Variants in CSMD3 observed in about 807,000 individuals in gnomAD.
The protein encoded by CSMD3 is CUB and Sushi multiple domains 3.
A neutral mutation model predicts 435.2 loss-of-function variants in CSMD3; 177 were observed. The ratio of observed to expected loss-of-function variants is 0.41; its 90% CI spans 0.36 to 0.46. The LOEUF (loss-of-function observed/expected upper bound fraction) is 0.46. Among genes scored for constraint, CSMD3 ranks in the 20% least tolerant of loss-of-function variants. CSMD3 has a pLI of 0.34. For synonymous variants in CSMD3, 1,656 were observed against 1,520.5 expected (o/e 1.09, Z -2.07); for missense variants, 4,265 against 4,504.6 (o/e 0.95, Z 1.52).
intron 9 of CSMD3, among the ~76,000 whole-genome samples, chr8:112,934,502 C>T (rs905613333): frequency 7.9e-5 from 12 of 152,130 alleles, no homozygotes; most frequent in African/African-American, 2.9e-4. Context: ...TAATATATTC[C>T]TTTCAATGAC....
intron 1 of CSMD3, among the ~76,000 whole-genome samples, chr8:113,379,744 C>CAA (rs1474197854): frequency 6.6e-6 from 1 of 152,052 alleles, no homozygotes; most frequent in African/African-American, 2.4e-5. Flanking sequence ...AATCTTTGAA[C>CAA]AAAGTTGAGA....
chr8:113,141,886 T>G (rs1159349974), intron 4 of CSMD3, among the ~76,000 whole-genome samples: 1 of 151,014 alleles, frequency 6.6e-6, no homozygotes, highest in Non-Finnish European at 1.5e-5. Flanking sequence ...TAGAAATTCC[T>G]AAGGAATCTA....
At chr8:113,343,982 A>T (rs2094136418) in intron 1 of CSMD3, among the ~76,000 whole-genome samples, 1 of 152,152 alleles carries the variant, frequency 6.6e-6, no homozygotes, top group African/African-American at 2.4e-5. Flanking sequence ...CTGTAAATTT[A>T]TATTTAAAAA....
At chr8:113,273,103 G>T (rs1012004312) in intron 3 of CSMD3, among the ~76,000 whole-genome samples, 1 of 151,700 alleles carries the variant, frequency 6.6e-6, no homozygotes. Context: ...ATGATTGTAT[G>T]AAAATACCAC....
At chr8:112,375,906 C>T (rs1400200768) in intron 38 of CSMD3, among the ~76,000 whole-genome samples, 1 of 152,092 alleles carries the variant, frequency 6.6e-6, no homozygotes, top group African/African-American at 2.4e-5. Flanking sequence ...CTTATATAAG[C>T]AGCCTTAGTT....
chr8:113,337,230 C>A (rs1051816096), intron 1 of CSMD3, among the ~76,000 whole-genome samples: 1 of 152,064 alleles, frequency 6.6e-6, no homozygotes, highest in Non-Finnish European at 1.5e-5. Context: ...AGTCAATCTG[C>A]CTTTTTTCCC....
At chr8:112,466,429 C>T (rs1020638955) in intron 32 of CSMD3, among the ~76,000 whole-genome samples, 1 of 151,696 alleles carries the variant, frequency 6.6e-6, no homozygotes, top group Non-Finnish European at 1.5e-5. Context: ...AGACATAAGA[C>T]CAAAGAGTAA....
chr8:113,163,435 T>C (rs999321188), intron 4 of CSMD3, among the ~76,000 whole-genome samples: 1 of 152,022 alleles, frequency 6.6e-6, no homozygotes, highest in African/African-American at 2.4e-5. Flanking sequence ...ATGTCTGATA[T>C]TATATTTATA....
chr8:112,965,079 A>G (rs1024660743), intron 7 of CSMD3, among the ~76,000 whole-genome samples: 4 of 151,998 alleles, frequency 2.6e-5, no homozygotes, highest in Admixed American at 6.6e-5. Context: ...AACAAGATAA[A>G]AATGTCTCTA....
chr8:113,023,444 C>G lies in CSMD3; in HGVS notation c.918-4265G>C, dbSNP rs1340933694. Among the ~76,000 whole-genome samples the G allele has an allele frequency of 2.0e-5, 3 of 152,030 alleles. No individual in the cohort carries two copies. The East Asian group carries it at 5.8e-4, about 29-fold the overall frequency. ...AAGCATGCTCCCGTGCTTTCTCACT[C>G]TCTTGCTTTTAAACCAGTTTTGACC... On this transcript the variant is annotated intron_variant, in intron 5 of 70. Transcript: ENST00000297405.
chr8:112,834,998 G>A (rs1381503647), intron 11 of CSMD3, among the ~76,000 whole-genome samples: 2 of 151,758 alleles, frequency 1.3e-5, no homozygotes, highest in Non-Finnish European at 2.9e-5. Context: ...AACCAAGTAA[G>A]TCACTCTCTT....
chr8:112,969,402 A>G (rs1201384882), intron 7 of CSMD3, among the ~76,000 whole-genome samples: 1 of 151,980 alleles, frequency 6.6e-6, no homozygotes, highest in Admixed American at 6.6e-5. Context: ...GTTAAACTAG[A>G]GTTTCTTTTA....
chr8:113,071,465 C>A (rs187371264), intron 5 of CSMD3, among the ~76,000 whole-genome samples: 2 of 151,922 alleles, frequency 1.3e-5, no homozygotes, highest in East Asian at 3.9e-4. Context: ...AGAGGTAAGT[C>A]TTTAATACAT....
chr8:113,063,503 G>C (rs899144621), intron 5 of CSMD3, among the ~76,000 whole-genome samples: 2 of 151,888 alleles, frequency 1.3e-5, no homozygotes, highest in African/African-American at 4.8e-5. Flanking sequence ...ATAGTGACAA[G>C]ATTCATGTCA....
At chr8:113,253,715 T>C (rs1191116547) in intron 3 of CSMD3, among the ~76,000 whole-genome samples, 2 of 151,938 alleles carry the variant, frequency 1.3e-5, no homozygotes. Flanking sequence ...TGATGTGTGC[T>C]GTAAGCCCAG....
At chr8:112,342,909 A>C (rs1825264282) in intron 41 of CSMD3, among the ~76,000 whole-genome samples, 1 of 148,106 alleles carries the variant, frequency 6.8e-6, no homozygotes, top group Non-Finnish European at 1.5e-5. Context: ...TTTTATTACA[A>C]ACATTTTCCA....
At chr8:112,275,261 G>T (rs188841429) in intron 59 of CSMD3, among the ~76,000 whole-genome samples, 2 of 152,190 alleles carry the variant, frequency 1.3e-5, no homozygotes, top group East Asian at 1.9e-4. Flanking sequence ...AGAAAAAGAG[G>T]TTTAGGCTGG....
chr8:112,501,952 A>T (rs1221604457), intron 30 of CSMD3, among the ~76,000 whole-genome samples: 2 of 152,234 alleles, frequency 1.3e-5, no homozygotes, highest in East Asian at 3.8e-4. Context: ...TACATACATA[A>T]TAAAAATACA....
At chr8:112,314,104 G>C (rs1822246247) in intron 48 of CSMD3, 52 bp from the exon 49 acceptor site, 1 of 1,374,716 alleles carries the variant, frequency 7.3e-7, no homozygotes, top group Non-Finnish European at 1.0e-6. Context: ...ATTCTCATTT[G>C]TCTTTAGTAT....
Sources: allele counts gnomAD v4.1 joint callset (sites outside exome capture counted in the v4.1 genomes callset), GRCh38; gene constraint gnomAD v4.1.1; transcripts MANE v1.5; gene names NCBI Gene and HGNC (gene_info 2026-07-23, HGNC 2026-07-21).